DOCK5: variants seen among roughly 807,000 people sequenced by gnomAD.
The protein encoded by DOCK5 is dedicator of cytokinesis 5.
Under a neutral mutation model 251.8 loss-of-function variants are expected in DOCK5, and 142 were observed. The ratio of observed to expected loss-of-function variants is 0.56; its 90% confidence interval spans 0.49 to 0.65. DOCK5 has a LOEUF of 0.65. Among genes scored for constraint, DOCK5 ranks in the 30% least tolerant of loss-of-function variants. DOCK5 has a pLI of 0.00. For missense variants in DOCK5, 2,111 were observed against 2,312.3 expected, an observed-to-expected ratio of 0.91 and a Z score of 1.79; for synonymous variants, 842 against 835.5, an observed-to-expected ratio of 1.01 and a Z score of -0.13.
intron 17 of DOCK5, among the ~76,000 whole-genome samples, chr8:25,324,626 C>T (rs1563202300): frequency 6.6e-6 from 1 of 152,170 alleles, no homozygotes. Context: ...CTTCCATCAA[C>T]CCAATAAAGT....
intron 1 of DOCK5, among the ~76,000 whole-genome samples, chr8:25,237,990 C>A (rs1802844550): frequency 1.3e-5 from 2 of 152,176 alleles, no homozygotes; most frequent in Admixed American, 1.3e-4. Flanking sequence ...TTTCCCATTT[C>A]TCTAGCTTTC....
At position 25,403,696 on chromosome 8, in the gene DOCK5, A is replaced by G. The variant is rs780470454; in HGVS notation, c.5065A>G (p.Asn1689Asp). The change falls in exon 48 of 52, where the codon AAT becomes GAT. Residue 1689 changes from asparagine to aspartate, a missense_variant. Coordinates refer to ENST00000276440, the MANE Select transcript of DOCK5 (RefSeq NM_024940.8). ...VVSTSSNSSD[N>D]APSRPGSDGS... ...TTCCACCTCTTCAAACTCGTCTGAC[A>G]ATGCTCCTTCCAGACCGGGATCTGA... 3 of 1,613,920 alleles carry G rather than the reference A, an allele frequency of 1.9e-6. No individual in the cohort carries two copies. In the South Asian group the frequency reaches 3.3e-5, roughly 18 times the overall value.
chr8:25,392,410 C>T (rs2709644), intron 43 of DOCK5, among the ~76,000 whole-genome samples: 81,077 of 151,896 alleles, frequency 0.53, 23,520 homozygotes, highest in East Asian at 0.63. Context: ...ACAGAGACTT[C>T]ACCTGCTAAT....
In DOCK5 at chr8:25,278,126, G is replaced by A. The variant is rs567852875; in HGVS notation, c.225-443G>A. Among the ~76,000 whole-genome samples the A allele has an allele frequency of 2.0e-5, 3 of 152,190 alleles. No homozygotes were observed. In the South Asian group the frequency reaches 6.2e-4, roughly 32 times the overall value. Reference sequence around the variant, plus strand: ...CTCCGTATCCCCCACCTCTACCCTGGCCTCTGCCCCAACCAGGTCCTGGGT... The same window carrying A: ...CTCCGTATCCCCCACCTCTACCCTGACCTCTGCCCCAACCAGGTCCTGGGT... On this transcript the variant is annotated intron_variant, in intron 4 of 51. Coordinates refer to ENST00000276440, the MANE Select transcript of DOCK5 (RefSeq NM_024940.8).
intron 26 of DOCK5, among the ~76,000 whole-genome samples, chr8:25,348,057 C>T (rs200958477): frequency 3.3e-5 from 5 of 152,276 alleles, no homozygotes; most frequent in South Asian, 2.1e-4. Flanking sequence ...TAAGTCCAAT[C>T]GTTTTTTGTC....
chr8:25,382,152 T>C (rs1219890462), intron 39 of DOCK5, among the ~76,000 whole-genome samples: 1 of 152,156 alleles, frequency 6.6e-6, no homozygotes, highest in African/African-American at 2.4e-5. Flanking sequence ...AATTTTTTAA[T>C]TTTTTGTAGA....
chr8:25,240,184 C>G (rs1277448509), intron 1 of DOCK5, among the ~76,000 whole-genome samples: 1 of 151,936 alleles, frequency 6.6e-6, no homozygotes, highest in Non-Finnish European at 1.5e-5. Context: ...ATTGTCAAGT[C>G]CATGGCTAGA....
intron 18 of DOCK5, among the ~76,000 whole-genome samples, chr8:25,330,141 G>A (rs1050641135): frequency 1.3e-5 from 2 of 152,190 alleles, no homozygotes; most frequent in Admixed American, 1.3e-4. Context: ...TGGAATGAGT[G>A]ATACCTTCGA....
At chr8:25,333,406 A>T (rs1006887950) in intron 20 of DOCK5, among the ~76,000 whole-genome samples, 1 of 152,196 alleles carries the variant, frequency 6.6e-6, no homozygotes, top group Admixed American at 6.5e-5. Context: ...GGTTTAAGAT[A>T]AAGAAAGAAA....
intron 33 of DOCK5, 28 bp downstream of exon 33, chr8:25,368,753 A>T (rs1178218591): frequency 6.2e-7 from 1 of 1,602,280 alleles, no homozygotes. Flanking sequence ...GCGTAATATT[A>T]GTAAATGGAC....
At chr8:25,400,905 C>T (rs1801427687) in intron 46 of DOCK5, 24 bp from the exon 47 acceptor site, 1 of 1,613,484 alleles carries the variant, frequency 6.2e-7, no homozygotes, top group South Asian at 1.1e-5. Context: ...GCACACTGCA[C>T]TCATTTTTTG....
rs1291090959 is a variant in DOCK5 at position 25,415,239 on chromosome 8, T to G, written c.*3941T>G. The G allele has an allele frequency of 6.6e-6, 1 of 152,212 alleles. No homozygotes were observed. Among genetic ancestry groups the G allele is most frequent in the East Asian group, 1.9e-4 (1 of 5,204 alleles). 9.4% of individuals were successfully genotyped at this position (152,212 alleles called of 1,614,324 possible). Reference sequence around the variant, plus strand: ...CTTATAAACAATGTCATTTCCATAGTAGTCTAAGGCTTCACCAGCCTGGCC... The same window carrying G: ...CTTATAAACAATGTCATTTCCATAGGAGTCTAAGGCTTCACCAGCCTGGCC... On this transcript the variant is annotated 3_prime_UTR_variant, in exon 52 of 52. Transcript: ENST00000276440.
intron 1 of DOCK5, among the ~76,000 whole-genome samples, chr8:25,195,060 A>G (rs1187191254): frequency 2.6e-5 from 4 of 151,576 alleles, no homozygotes; most frequent in African/African-American, 9.7e-5. Context: ...AGCTGGGACT[A>G]CAGGTGCGCA....
chr8:25,185,017 C>T, intron 1 of DOCK5, 66 bp downstream of exon 1: 6 of 1,284,942 alleles, frequency 4.7e-6, no homozygotes, highest in Non-Finnish European at 6.0e-6. Context: ...AGCGGCCCTG[C>T]CAGGTTTGCG....
At chr8:25,213,831 A>C (rs1012366730) in intron 1 of DOCK5, among the ~76,000 whole-genome samples, 1 of 152,212 alleles carries the variant, frequency 6.6e-6, no homozygotes, top group Admixed American at 6.5e-5. Context: ...AGATGCAATA[A>C]GAGATGGGGG....
intron 1 of DOCK5, among the ~76,000 whole-genome samples, chr8:25,187,311 G>GTATATACATATATATGTATATATA (rs1801459305): frequency 2.7e-5 from 4 of 147,022 alleles, no homozygotes; most frequent in African/African-American, 1.0e-4. Flanking sequence ...ATGTATATAT[G>GTATATACATATATATGTATATATA]CGTATATGTG....
chr8:25,356,199 G>A (rs961323285), intron 27 of DOCK5, among the ~76,000 whole-genome samples: 7 of 151,560 alleles, frequency 4.6e-5, no homozygotes, highest in African/African-American at 7.3e-5. Context: ...ACTCCGTCTC[G>A]AAAAAAACAA....
intron 13 of DOCK5, 126 bp from the exon 14 acceptor site, chr8:25,316,881 T>C: frequency 8.5e-7 from 1 of 1,174,388 alleles, no homozygotes; most frequent in Non-Finnish European, 1.2e-6. Flanking sequence ...AAGCCTTTTG[T>C]CGGATGAGTA....
chr8:25,302,135 C>T (rs1804782087), intron 9 of DOCK5, among the ~76,000 whole-genome samples, 190 bp from the exon 10 acceptor site: 1 of 152,186 alleles, frequency 6.6e-6, no homozygotes, highest in East Asian at 1.9e-4. Flanking sequence ...TGTTTACAAG[C>T]ACAAAGTCAT....
Sources: allele counts gnomAD v4.1 joint callset (sites outside exome capture counted in the v4.1 genomes callset), GRCh38; gene constraint gnomAD v4.1.1; transcripts MANE v1.5; gene names NCBI Gene and HGNC (gene_info 2026-07-23, HGNC 2026-07-21).